The following RNF130 variants were observed in gnomAD, a reference collection of about 807,000 sequenced individuals.
RNF130 encodes the protein ring finger protein 130, also known as E3 ubiquitin-protein ligase RNF130.
RNF130 carries 21 observed loss-of-function variants against 44.6 expected under a neutral mutation model. The ratio of observed to expected loss-of-function variants is 0.47; its 90% CI spans 0.33 to 0.68. The LOEUF (loss-of-function observed/expected upper bound fraction) is 0.68. Ranked by LOEUF, RNF130 falls within the 30% of genes least tolerant of loss-of-function variation. RNF130 has a pLI of 0.02. For missense variants in RNF130, 479 were observed against 560.6 expected (o/e 0.85, Z 1.47); for synonymous variants, 214 against 210.4 (o/e 1.02, Z -0.15).
At chr5:180,036,521 C>T (rs1011184903) in intron 2 of RNF130, among the ~76,000 whole-genome samples, 1 of 152,184 alleles carries the variant, frequency 6.6e-6, no homozygotes, top group African/African-American at 2.4e-5. Context: ...CCCTGCTAAA[C>T]CACAAATTTC....
At chr5:180,029,887 T>C (rs1764088494) in intron 2 of RNF130, among the ~76,000 whole-genome samples, 1 of 151,562 alleles carries the variant, frequency 6.6e-6, no homozygotes, top group Non-Finnish European at 1.5e-5. Flanking sequence ...CTTGCTTTGT[T>C]GCCTAGGCTA....
chr5:179,947,074 T>C (rs564482369), intron 7 of RNF130, among the ~76,000 whole-genome samples: 3 of 152,276 alleles, frequency 2.0e-5, no homozygotes, highest in African/African-American at 7.2e-5. Context: ...CTGTACTGAA[T>C]GAATTCTTCA....
At chr5:180,059,114 C>A (rs2113176183) in intron 1 of RNF130, among the ~76,000 whole-genome samples, 1 of 152,284 alleles carries the variant, frequency 6.6e-6, no homozygotes, top group South Asian at 2.1e-4. Flanking sequence ...CCCACTCTCC[C>A]CCTTACTCTC....
At chr5:179,940,922 T>C (rs1021908550) in intron 7 of RNF130, among the ~76,000 whole-genome samples, 4 of 152,204 alleles carry the variant, frequency 2.6e-5, no homozygotes, top group Non-Finnish European at 4.4e-5. Flanking sequence ...TCAGCTCAGA[T>C]AGTCTCTCCT....
At chr5:179,954,197 G>T (rs1315632749), downstream of RNF130, among the ~76,000 whole-genome samples, 7 of 152,156 alleles carry the variant, frequency 4.6e-5, no homozygotes, top group African/African-American at 7.2e-5. Flanking sequence ...AGCTTCTCAA[G>T]AAGTTAAACA....
In RNF130 at chr5:179,963,327, A is replaced by G. The variant is rs181148631; in HGVS notation, c.1244+144T>C. 576 of 628,168 alleles carry G rather than the reference A, an allele frequency of 9.2e-4. 1 individual carries two copies. Among genetic ancestry groups the G allele is most frequent in the Admixed American group, 2.5e-3 (95 of 37,968 alleles). The allele number at this position is 628,168 out of a possible 1,614,324, so 38.9% of individuals were successfully genotyped here. On this transcript the variant is annotated intron_variant, in intron 8 of 8. Transcript: ENST00000521389. ...CTGACTAAAAATATATGCTCATGAA[A>G]TAAAGTATTTTGCTAGATACGATCC...
chr5:180,046,321 G>A (rs759162289), intron 1 of RNF130, among the ~76,000 whole-genome samples: 22 of 152,176 alleles, frequency 1.4e-4, no homozygotes, highest in African/African-American at 3.1e-4. Context: ...CTCCTCAAGC[G>A]TGGCCAGAGC....
intron 3 of RNF130, among the ~76,000 whole-genome samples, chr5:180,003,345 C>G (rs1390276809): frequency 1.3e-5 from 2 of 152,142 alleles, no homozygotes; most frequent in East Asian, 3.8e-4. Context: ...TGGAAGCAGT[C>G]CAGTCTTCAG....
intron 7 of RNF130, chr5:179,939,722 C>G: frequency 2.2e-6 from 1 of 449,100 alleles, no homozygotes; most frequent in South Asian, 1.8e-5. Context: ...TTCCAAAAGA[C>G]GGAAATCCAC....
At chr5:180,071,333 G>A in intron 1 of RNF130, 123 bp downstream of exon 1, 1 of 983,134 alleles carries the variant, frequency 1.0e-6, no homozygotes, top group South Asian at 5.3e-5. Context: ...CCTCGACCCT[G>A]GCTGGGGCTG....
rs192388773 is a variant in RNF130, at chr5:180,027,954, C to T, written c.442+12499G>A. Among the ~76,000 whole-genome samples the T allele has an allele frequency of 2.6e-3, 393 of 152,386 alleles. 2 individuals carry two copies. Among genetic ancestry groups the T allele is most frequent in the Non-Finnish European group, 4.6e-3 (311 of 68,038 alleles). The stretch of plus-strand genomic sequence containing the variant: ...GGCCGCATCAACCTCATCGAGACCA[C>T]GCCTCCCTTCTTTCAAATCCTCCCG... On this transcript the variant is annotated intron_variant, in intron 2 of 8. Coordinates refer to ENST00000521389, the MANE Select transcript of RNF130 (RefSeq NM_018434.6).
chr5:179,951,940 C>T (rs935281539), downstream of RNF130, among the ~76,000 whole-genome samples: 3 of 152,014 alleles, frequency 2.0e-5, no homozygotes, highest in African/African-American at 7.2e-5. Flanking sequence ...CTATAAACAA[C>T]TACATTAAAT....
At chr5:180,015,181 C>T (rs950216929) in intron 2 of RNF130, 25 of 314,956 alleles carry the variant, frequency 7.9e-5, no homozygotes, top group Non-Finnish European at 1.6e-4. Flanking sequence ...TATCTAATTA[C>T]CTTTCTGAAA....
chr5:180,050,371 T>TGTCA (rs1372278433), intron 1 of RNF130, among the ~76,000 whole-genome samples: 1 of 151,928 alleles, frequency 6.6e-6, no homozygotes, highest in Non-Finnish European at 1.5e-5. Context: ...CTCCAGGGAG[T>TGTCA]GTCACTTTTT....
intron 7 of RNF130, among the ~76,000 whole-genome samples, chr5:179,924,542 A>C (rs909343507): frequency 2.0e-5 from 3 of 151,900 alleles, no homozygotes; most frequent in East Asian, 3.9e-4. Flanking sequence ...TCATGCCTGT[A>C]ATCCCAGCAC....
chr5:179,981,988 G>T (rs1762850961), intron 3 of RNF130, among the ~76,000 whole-genome samples: 1 of 152,080 alleles, frequency 6.6e-6, no homozygotes, highest in African/African-American at 2.4e-5. Flanking sequence ...CATTACCCAT[G>T]AAAACCTAAC....
intron 1 of RNF130, among the ~76,000 whole-genome samples, chr5:180,053,256 C>A (rs1764730748): frequency 1.3e-5 from 2 of 152,036 alleles, no homozygotes; most frequent in Non-Finnish European, 1.5e-5. Context: ...ATTCACTTTG[C>A]CTCCCACAGG....
At chr5:179,970,113 C>G (rs1227256794) in intron 6 of RNF130, among the ~76,000 whole-genome samples, 1 of 152,050 alleles carries the variant, frequency 6.6e-6, no homozygotes, top group African/African-American at 2.4e-5. Flanking sequence ...TATGATTGCA[C>G]CACTACACTC....
intron 2 of RNF130, among the ~76,000 whole-genome samples, chr5:180,028,084 A>G (rs1251544110): frequency 6.6e-6 from 1 of 152,164 alleles, no homozygotes; most frequent in Non-Finnish European, 1.5e-5. Context: ...TCCTGTACTT[A>G]AAATTACTTT....
Sources: gnomAD v4.1 joint callset for allele counts (sites outside exome capture counted in the v4.1 genomes callset) on GRCh38, gnomAD v4.1.1 for gene constraint, MANE v1.5 for transcripts, NCBI Gene and HGNC (gene_info 2026-07-23, HGNC 2026-07-21) for gene names.